Variants in GRIP1 observed in about 807,000 individuals in gnomAD.
GRIP1 encodes glutamate receptor-interacting protein 1.
A neutral mutation model predicts 129.9 loss-of-function variants in GRIP1; 45 were observed. That is an observed-to-expected ratio of 0.35 (90% confidence interval 0.27 to 0.44). The LOEUF (loss-of-function observed/expected upper bound fraction) is 0.44, where lower values mean the gene tolerates loss of function less well. Among genes scored for constraint, GRIP1 ranks in the 20% least tolerant of loss-of-function variants. The pLI, the probability that GRIP1 is intolerant of heterozygous loss-of-function variation, is 1.00. For missense variants in GRIP1, 1,196 were observed against 1,396.8 expected (o/e 0.86, Z 2.29); for synonymous variants, 530 against 520.8 (o/e 1.02, Z -0.24).
intron 4 of GRIP1, among the ~76,000 whole-genome samples, chr12:66,533,847 ACACACACACACACACT>A (rs1320191658): frequency 7.6e-6 from 1 of 131,174 alleles, no homozygotes; most frequent in Non-Finnish European, 1.6e-5. Flanking sequence ...GATTACACAC[ACACACACACACACACT>A]CACACACACA....
intron 16 of GRIP1, among the ~76,000 whole-genome samples, chr12:66,404,135 G>A (rs2057104657): frequency 6.6e-6 from 1 of 152,190 alleles, no homozygotes; most frequent in African/African-American, 2.4e-5. Flanking sequence ...AAATGCAAAT[G>A]TTGGCACAGA....
At chr12:66,781,898 C>G (rs144100502) in intron 1 of GRIP1, among the ~76,000 whole-genome samples, 1 of 152,262 alleles carries the variant, frequency 6.6e-6, no homozygotes, top group East Asian at 1.9e-4. Flanking sequence ...TATGCATGTA[C>G]TATATGACCT....
At chr12:66,743,002 A>T (rs1028326944) in intron 1 of GRIP1, among the ~76,000 whole-genome samples, 1 of 152,176 alleles carries the variant, frequency 6.6e-6, no homozygotes, top group African/African-American at 2.4e-5. Context: ...CCACAGAAAC[A>T]GCAGCCTTTC....
chr12:66,964,238 A>T (rs2041964325), intron 1 of GRIP1, among the ~76,000 whole-genome samples: 1 of 152,200 alleles, frequency 6.6e-6, no homozygotes, highest in African/African-American at 2.4e-5. Flanking sequence ...TCTGTGTGCC[A>T]GGTACTATTC....
At chr12:66,732,353 A>G (rs992029829) in intron 1 of GRIP1, among the ~76,000 whole-genome samples, 2 of 152,120 alleles carry the variant, frequency 1.3e-5, no homozygotes, top group African/African-American at 2.4e-5. Context: ...GGAGTTCAAG[A>G]CCAGCCTGAG....
chr12:66,802,769 C>T (rs1040480079), intron 1 of GRIP1, among the ~76,000 whole-genome samples: 1 of 152,096 alleles, frequency 6.6e-6, no homozygotes. Context: ...ATTACACATG[C>T]AATCTGACAA....
chr12:66,581,957 G>C (rs2063402652), intron 2 of GRIP1, among the ~76,000 whole-genome samples: 1 of 152,076 alleles, frequency 6.6e-6, no homozygotes, highest in Admixed American at 6.6e-5. Context: ...AACGAAAAAA[G>C]AGAATTTTAG....
intron 1 of GRIP1, among the ~76,000 whole-genome samples, chr12:66,745,379 A>C (rs2036913297): frequency 6.6e-6 from 1 of 152,218 alleles, no homozygotes; most frequent in Non-Finnish European, 1.5e-5. Context: ...CACATAGAGT[A>C]AATAATAAGG....
chr12:66,590,381 A>C (rs2063809208), intron 2 of GRIP1, among the ~76,000 whole-genome samples: 1 of 152,166 alleles, frequency 6.6e-6, no homozygotes. Context: ...CCAAATCACT[A>C]ATGAAAGCTA....
intron 23 of GRIP1, among the ~76,000 whole-genome samples, chr12:66,369,090 G>T (rs1031571667): frequency 6.6e-6 from 1 of 152,116 alleles, no homozygotes; most frequent in African/African-American, 2.4e-5. Context: ...GCCTTATTTT[G>T]TTGGGGATCA....
At chr12:67,047,291 T>TA (rs778845197) in intron 1 of GRIP1, among the ~76,000 whole-genome samples, 1 of 152,188 alleles carries the variant, frequency 6.6e-6, no homozygotes, top group African/African-American at 2.4e-5. Context: ...TTTACTAACT[T>TA]AAAAAACACA....
chr12:66,850,009 G>A (rs774307263), intron 1 of GRIP1, among the ~76,000 whole-genome samples: 6 of 152,056 alleles, frequency 3.9e-5, no homozygotes, highest in Non-Finnish European at 5.9e-5. Context: ...GAAGGATATC[G>A]GTCCAGAAAA....
chr12:66,990,458 G>A (rs2042377308), intron 1 of GRIP1, among the ~76,000 whole-genome samples: 1 of 152,172 alleles, frequency 6.6e-6, no homozygotes, highest in African/African-American at 2.4e-5. Context: ...TAACATTAAG[G>A]CACTCATCTA....
Position 66,785,343 on chromosome 12 carries a change from C to CATACATACATACATAT in GRIP1, c.-420+18709_-420+18710insATATGTATGTATGTAT, listed in dbSNP as rs377630345. Among the ~76,000 whole-genome samples the CATACATACATACATAT allele has an allele frequency of 4.7e-3, 340 of 72,782 alleles. 8 individuals are homozygous for CATACATACATACATAT. The highest frequency in any genetic ancestry group is 0.012 in the African/African-American group (235 of 19,714). 47.7% of individuals were successfully genotyped at this position (72,782 alleles called of 152,430 possible). A position where few individuals can be genotyped will look rare whatever the true frequency, so the allele number is the denominator to read the frequency against. On this transcript the variant is annotated intron_variant, in intron 1 of 4. Transcript: ENST00000538373. The stretch of plus-strand genomic sequence containing the variant: ...ACATACATACATACATACATACATA[C>CATACATACATACATAT]ATATATATATATATATATATTAGTT...
chr12:66,823,415 C>A (rs148118133), intron 1 of GRIP1, among the ~76,000 whole-genome samples: 5 of 152,088 alleles, frequency 3.3e-5, no homozygotes, highest in Admixed American at 3.3e-4. Flanking sequence ...TGGTTGATTA[C>A]CCAATAATGT....
chr12:66,752,973 C>T (rs578162368), intron 1 of GRIP1, among the ~76,000 whole-genome samples: 9 of 152,158 alleles, frequency 5.9e-5, no homozygotes, highest in Middle Eastern at 6.8e-3. Context: ...ATAGCTCAAA[C>T]GCTAGCGGAA....
At chr12:66,602,621 G>C (rs1340455988) in intron 1 of GRIP1, among the ~76,000 whole-genome samples, 1 of 152,054 alleles carries the variant, frequency 6.6e-6, no homozygotes, top group Non-Finnish European at 1.5e-5. Flanking sequence ...CAGAAGATTA[G>C]GGAATGATCT....
At chr12:66,455,039 A>G (rs1431674998) in intron 11 of GRIP1, among the ~76,000 whole-genome samples, 3 of 152,234 alleles carry the variant, frequency 2.0e-5, no homozygotes, top group Non-Finnish European at 2.9e-5. Flanking sequence ...AATGAGTAAG[A>G]AACTAAGAAC....
At chr12:66,825,045 A>G (rs2039385875) in intron 1 of GRIP1, among the ~76,000 whole-genome samples, 1 of 151,966 alleles carries the variant, frequency 6.6e-6, no homozygotes, top group Non-Finnish European at 1.5e-5. Flanking sequence ...TTCATCTTCA[A>G]TTTTTAACTA....
Sources: allele counts gnomAD v4.1 joint callset (sites outside exome capture counted in the v4.1 genomes callset), GRCh38; gene constraint gnomAD v4.1.1; transcripts MANE v1.5; gene names NCBI Gene and HGNC (gene_info 2026-07-23, HGNC 2026-07-21).